SPATA16: variants seen among roughly 807,000 people sequenced by gnomAD.
SPATA16 encodes spermatogenesis-associated protein 16.
A neutral mutation model predicts 63.3 loss-of-function variants in SPATA16; 36 were observed. The ratio of observed to expected loss-of-function variants is 0.57; its 90% CI spans 0.44 to 0.75. SPATA16 has a LOEUF of 0.75. Ranked by LOEUF, SPATA16 falls within the 30% of genes least tolerant of loss-of-function variation. The pLI is 0.00. For missense variants in SPATA16, 646 were observed against 679.3 expected, an observed-to-expected ratio of 0.95 and a Z score of 0.54; for synonymous variants, 203 against 216.7, an observed-to-expected ratio of 0.94 and a Z score of 0.56.
At chr3:172,996,760 T>A (rs1734701942) in intron 4 of SPATA16, among the ~76,000 whole-genome samples, 1 of 152,182 alleles carries the variant, frequency 6.6e-6, no homozygotes, top group South Asian at 2.1e-4. Flanking sequence ...GTACCATATG[T>A]AATACTTTTA....
chr3:173,091,958 G>C lies in SPATA16; in HGVS notation c.612+25162C>G, dbSNP rs78833266. On this transcript the variant is annotated intron_variant, in intron 2 of 10. Transcript: ENST00000351008. ...TAGAGAATAGCCTGGGAAGAGGCAG[G>C]TAGTGTCTCCCTCCATAAAAAAGGA... 6.6e-3 allele frequency among the ~76,000 whole-genome samples: 1,012 copies of C among 152,198 alleles called. 34 individuals carry two copies. Among genetic ancestry groups the C allele is most frequent in the Admixed American group, 0.041 (626 of 15,262 alleles).
chr3:172,974,207 T>G (rs1418640475), intron 5 of SPATA16, among the ~76,000 whole-genome samples: 1 of 152,170 alleles, frequency 6.6e-6, no homozygotes, highest in Non-Finnish European at 1.5e-5. Flanking sequence ...TTTTACATTC[T>G]GAAATTTTCC....
At chr3:172,969,186 A>T (rs1733990675) in intron 5 of SPATA16, among the ~76,000 whole-genome samples, 1 of 152,196 alleles carries the variant, frequency 6.6e-6, no homozygotes. Flanking sequence ...GGAAAATCTG[A>T]CTTACATCAT....
At chr3:172,918,853 C>A (rs923554472) in intron 8 of SPATA16, among the ~76,000 whole-genome samples, 1 of 151,928 alleles carries the variant, frequency 6.6e-6, no homozygotes, top group African/African-American at 2.4e-5. Flanking sequence ...AGGTTTCAGT[C>A]AGAGAACTGT....
intron 6 of SPATA16, among the ~76,000 whole-genome samples, chr3:172,938,020 C>G (rs575600198): frequency 5.9e-5 from 9 of 152,220 alleles, no homozygotes; most frequent in African/African-American, 1.9e-4. Context: ...TCAGATGAAG[C>G]AGCTGATATG....
intron 2 of SPATA16, among the ~76,000 whole-genome samples, chr3:173,067,375 AG>A (rs1225331598): frequency 6.6e-6 from 1 of 152,214 alleles, no homozygotes; most frequent in Non-Finnish European, 1.5e-5. Context: ...CTCATTTATA[AG>A]TGGGAGCTAA....
intron 10 of SPATA16, among the ~76,000 whole-genome samples, chr3:172,890,746 C>T (rs1731877939): frequency 6.9e-6 from 1 of 145,060 alleles, no homozygotes; most frequent in South Asian, 2.1e-4. Flanking sequence ...AAATGGTCCA[C>T]TGTTTTTTTT....
intron 2 of SPATA16, among the ~76,000 whole-genome samples, chr3:173,056,305 C>A (rs1736220636): frequency 6.6e-6 from 1 of 152,064 alleles, no homozygotes; most frequent in African/African-American, 2.4e-5. Context: ...TCTTAATGAT[C>A]TTTTAGTTTG....
At chr3:173,044,429 C>G (rs1414566460) in intron 3 of SPATA16, among the ~76,000 whole-genome samples, 1 of 152,138 alleles carries the variant, frequency 6.6e-6, no homozygotes. Flanking sequence ...TTCATCTATG[C>G]TAAATCTCCA....
chr3:172,981,079 A>G (rs1206614517), intron 4 of SPATA16, among the ~76,000 whole-genome samples: 1 of 152,190 alleles, frequency 6.6e-6, no homozygotes, highest in African/African-American at 2.4e-5. Flanking sequence ...AAGTCATACA[A>G]TAGCTCATGC....
intron 5 of SPATA16, among the ~76,000 whole-genome samples, chr3:172,958,141 C>T (rs1005774317): frequency 7.2e-5 from 11 of 152,254 alleles, no homozygotes; most frequent in East Asian, 3.9e-4. Flanking sequence ...AAATACATAG[C>T]GGTTCTTCCA....
intron 6 of SPATA16, among the ~76,000 whole-genome samples, chr3:172,940,840 G>A (rs1469010500): frequency 6.6e-6 from 1 of 152,038 alleles, no homozygotes; most frequent in East Asian, 1.9e-4. Flanking sequence ...AAAATTAGCT[G>A]GGCGTGGTGG....
intron 2 of SPATA16, among the ~76,000 whole-genome samples, chr3:173,076,209 G>A (rs1221153390): frequency 6.6e-6 from 1 of 152,074 alleles, no homozygotes; most frequent in Non-Finnish European, 1.5e-5. Flanking sequence ...AATCAGGCAT[G>A]TCTCGCTATC....
chr3:173,105,231 A>G (rs9847451), intron 2 of SPATA16, among the ~76,000 whole-genome samples: 3 of 152,224 alleles, frequency 2.0e-5, no homozygotes, highest in African/African-American at 7.2e-5. Context: ...ACACATAGTT[A>G]ACATAGTCCA....
At position 173,106,122 on chromosome 3, in the gene SPATA16, A is replaced by G. The variant is rs190754575; in HGVS notation, c.612+10998T>C. Among the ~76,000 whole-genome samples, 29 of 152,290 alleles carry G rather than the reference A, an allele frequency of 1.9e-4. No individual in the cohort carries two copies. The East Asian group carries it at 4.4e-3, about 23-fold the overall frequency. On this transcript the variant is annotated intron_variant, in intron 2 of 10. Transcript: ENST00000351008. The stretch of plus-strand genomic sequence containing the variant: ...TATATACACTGGAGTGATAAAGCAA[A>G]ATTAAAAATTAGACTTCATCATTCC...
At chr3:173,076,302 A>G (rs1736800968) in intron 2 of SPATA16, among the ~76,000 whole-genome samples, 1 of 152,182 alleles carries the variant, frequency 6.6e-6, no homozygotes, top group African/African-American at 2.4e-5. Context: ...TGTGAATGCC[A>G]AGAGAATTAT....
intron 10 of SPATA16, among the ~76,000 whole-genome samples, chr3:172,898,379 T>G (rs1042218441): frequency 3.3e-5 from 5 of 151,996 alleles, no homozygotes; most frequent in African/African-American, 9.6e-5. Context: ...TGGAGATGTC[T>G]GGGGAGTTTA....
At chr3:172,893,936 C>T (rs1046254284) in intron 10 of SPATA16, among the ~76,000 whole-genome samples, 1 of 151,806 alleles carries the variant, frequency 6.6e-6, no homozygotes, top group African/African-American at 2.4e-5. Flanking sequence ...GAATTGAGGG[C>T]TCAAATAATT....
intron 5 of SPATA16, among the ~76,000 whole-genome samples, chr3:172,966,939 T>TA (rs1560082439): frequency 6.6e-6 from 1 of 152,068 alleles, no homozygotes; most frequent in Non-Finnish European, 1.5e-5. Flanking sequence ...CTATGGAAAA[T>TA]AGAAAAGATA....
Sources: gnomAD v4.1 joint callset for allele counts (sites outside exome capture counted in the v4.1 genomes callset) on GRCh38, gnomAD v4.1.1 for gene constraint, MANE v1.5 for transcripts, NCBI Gene and HGNC (gene_info 2026-07-23, HGNC 2026-07-21) for gene names.